The following SH3RF2 variants were observed in gnomAD, a reference collection of about 807,000 sequenced individuals.
SH3RF2 encodes the protein E3 ubiquitin-protein ligase SH3RF2.
Under a neutral mutation model 59.0 loss-of-function variants are expected in SH3RF2, and 43 were observed. That is an observed-to-expected ratio of 0.73 (90% CI 0.57 to 0.94). SH3RF2 has a LOEUF of 0.94. Ranked by LOEUF, SH3RF2 falls within the 40% of genes least tolerant of loss-of-function variation. The pLI is 0.00. For synonymous variants in SH3RF2, 391 were observed against 391.5 expected, an observed-to-expected ratio of 1.00 and a Z score of 0.01; for missense variants, 930 against 940.1, an observed-to-expected ratio of 0.99 and a Z score of 0.14.
At chr5:146,064,786 AGGAAGGAAGGAAGGAAGG>A (rs1561773708), downstream of SH3RF2, among the ~76,000 whole-genome samples, 4 of 21,366 alleles carry the variant, frequency 1.9e-4, no homozygotes, top group African/African-American at 5.0e-4. Context: ...AAAGGAAGGA[AGGAAGGAAGGAAGGAAGG>A]AAGGAAAGAA....
At chr5:145,973,065 C>G (rs1304404347) in intron 2 of SH3RF2, among the ~76,000 whole-genome samples, 1 of 152,244 alleles carries the variant, frequency 6.6e-6, no homozygotes, top group Admixed American at 6.5e-5. Context: ...ACACCTGACC[C>G]GTGCTTGGGA....
At chr5:145,967,139 G>A (rs1758889412) in intron 2 of SH3RF2, among the ~76,000 whole-genome samples, 1 of 152,216 alleles carries the variant, frequency 6.6e-6, no homozygotes, top group Admixed American at 6.5e-5. Context: ...TTGAAACAAT[G>A]ATATTAGAAC....
intron 2 of SH3RF2, among the ~76,000 whole-genome samples, chr5:145,965,939 G>A (rs1048915999): frequency 1.1e-4 from 17 of 152,238 alleles, no homozygotes; most frequent in Non-Finnish European, 2.2e-4. Flanking sequence ...CTAAAAGAGT[G>A]AAGGATGAGT....
chr5:146,003,301 CT>C (rs1760502555), intron 3 of SH3RF2, among the ~76,000 whole-genome samples: 1 of 152,224 alleles, frequency 6.6e-6, no homozygotes, highest in African/African-American at 2.4e-5. Flanking sequence ...ACAAAGGAAC[CT>C]TCTGGGTGCT....
intron 8 of SH3RF2, among the ~76,000 whole-genome samples, chr5:146,059,628 A>T (rs1762812599): frequency 6.6e-6 from 1 of 152,094 alleles, no homozygotes; most frequent in Admixed American, 6.5e-5. Context: ...CTACACACAT[A>T]CACACATACA....
intron 4 of SH3RF2, among the ~76,000 whole-genome samples, chr5:146,006,771 A>G (rs1440835662): frequency 1.3e-5 from 2 of 152,212 alleles, no homozygotes; most frequent in African/African-American, 4.8e-5. Context: ...TCAGTGGCTT[A>G]ACAAAGAAAA....
intron 5 of SH3RF2, among the ~76,000 whole-genome samples, chr5:146,031,641 G>A (rs560590245): frequency 1.3e-5 from 2 of 152,324 alleles, no homozygotes; most frequent in Non-Finnish European, 2.9e-5. Context: ...GCAATGCCAA[G>A]CTCTGCTGTG....
At chr5:145,967,797 C>T (rs1288458201) in intron 2 of SH3RF2, among the ~76,000 whole-genome samples, 7 of 151,998 alleles carry the variant, frequency 4.6e-5, no homozygotes, top group African/African-American at 1.7e-4. Context: ...GTAGCTGGGA[C>T]CACAGGCATG....
At chr5:145,982,056 G>C (rs1759526258) in intron 2 of SH3RF2, among the ~76,000 whole-genome samples, 1 of 152,232 alleles carries the variant, frequency 6.6e-6, no homozygotes. Flanking sequence ...TTAAGTGGCA[G>C]TGGCTGTGTT....
At chr5:145,956,457 G>A (rs942625391) in intron 2 of SH3RF2, among the ~76,000 whole-genome samples, 3 of 152,016 alleles carry the variant, frequency 2.0e-5, no homozygotes, top group African/African-American at 7.2e-5. Flanking sequence ...TGTATTTTTA[G>A]TAGAGACAGG....
intron 9 of SH3RF2, among the ~76,000 whole-genome samples, chr5:146,072,417 AATTC>A (rs2150028727): frequency 6.6e-6 from 1 of 152,356 alleles, no homozygotes; most frequent in East Asian, 1.9e-4. Context: ...TCACGCCTGT[AATTC>A]CAGCACTTTG....
intron 3 of SH3RF2, among the ~76,000 whole-genome samples, chr5:146,000,980 CT>C (rs1760385124): frequency 6.6e-6 from 1 of 152,210 alleles, no homozygotes; most frequent in African/African-American, 2.4e-5. Context: ...TTACCTAATT[CT>C]ACTCATTTAC....
At chr5:146,022,729 C>G (rs1164536613) in intron 5 of SH3RF2, among the ~76,000 whole-genome samples, 5 of 151,892 alleles carry the variant, frequency 3.3e-5, no homozygotes, top group Non-Finnish European at 7.4e-5. Context: ...AAAAATTAGC[C>G]AGGTGTGGTG....
Position 146,000,317 on chromosome 5 carries a change from C to T in SH3RF2, c.638C>T (p.Thr213Ile), listed in dbSNP as rs529406915. ...AAGAGTGAGAACCAGGATTGCCTGA[C>T]CTTCCTCAAGGTAGGATTCTGGGTG... ...KDKSENQDCL[T>I]FLKDDIITVI... The change falls in exon 3 of 10, where the codon ACC (threonine) becomes ATC (isoleucine). Residue 213 changes from threonine (T) to isoleucine (I), a missense_variant. Coordinates refer to ENST00000359120, the MANE Select transcript of SH3RF2 (RefSeq NM_152550.4). The T allele has an allele frequency of 3.7e-6, 6 of 1,613,102 alleles. No individual in the cohort carries two copies. In the African/African-American group the frequency reaches 6.7e-5, roughly 18 times the overall value.
chr5:145,953,767 T>C (rs1580764205), intron 2 of SH3RF2, among the ~76,000 whole-genome samples: 1 of 152,302 alleles, frequency 6.6e-6, no homozygotes, highest in Non-Finnish European at 1.5e-5. Flanking sequence ...TGTCCATGTG[T>C]TCTCATCATT....
chr5:146,011,618 A>G (rs2149991640), intron 4 of SH3RF2, among the ~76,000 whole-genome samples: 1 of 152,212 alleles, frequency 6.6e-6, no homozygotes, highest in South Asian at 2.1e-4. Flanking sequence ...TTGGATTCCT[A>G]GGTATTTTAT....
At chr5:145,964,582 C>A in intron 2 of SH3RF2, among the ~76,000 whole-genome samples, 1 of 152,152 alleles carries the variant, frequency 6.6e-6, no homozygotes, top group East Asian at 1.9e-4. Flanking sequence ...GTTGGGATTA[C>A]GGGCGTGAGC....
chr5:145,956,359 T>A (rs1023679767), intron 2 of SH3RF2, among the ~76,000 whole-genome samples: 8 of 152,176 alleles, frequency 5.3e-5, no homozygotes, highest in African/African-American at 1.9e-4. Flanking sequence ...CGCTGCAACC[T>A]CCACCTCCCA....
At position 146,062,575 on chromosome 5, in the gene SH3RF2, A is replaced by G. The variant is rs550960358; in HGVS notation, c.2064A>G (p.Leu688=). ...AASLGPEMTV[L]FAHRSGCHSG... is the part of the protein sequence containing the mutation. ...CCTTGGGCCCAGAGATGACCGTCCT[A>G]TTTGCCCACCGAAGTGGCTGCCACT... Residue 688 remains leucine (L), a synonymous_variant, in exon 10 of 10, where the codon CTA becomes CTG. Coordinates refer to ENST00000359120, the MANE Select transcript of SH3RF2 (RefSeq NM_152550.4). 2 of 1,614,082 alleles carry G rather than the reference A, an allele frequency of 1.2e-6. No homozygotes were observed. Among genetic ancestry groups the G allele is most frequent in the Admixed American group, 1.7e-5 (1 of 60,016 alleles).
Sources: allele counts gnomAD v4.1 joint callset (sites outside exome capture counted in the v4.1 genomes callset), GRCh38; gene constraint gnomAD v4.1.1; transcripts MANE v1.5; gene names NCBI Gene and HGNC (gene_info 2026-07-23, HGNC 2026-07-21).